The following KDM4B variants were observed in gnomAD, a reference collection of about 807,000 sequenced individuals.
KDM4B encodes lysine-specific demethylase 4B.
KDM4B carries 32 observed loss-of-function variants against 125.2 expected under a neutral mutation model. That is an observed-to-expected ratio of 0.26 (90% confidence interval 0.19 to 0.34). The LOEUF (loss-of-function observed/expected upper bound fraction) is 0.34. KDM4B is among the 10% of genes least tolerant of loss of function. The probability of loss-of-function intolerance (pLI) is 1.00; values close to 1 mark genes in which losing one functional copy is unlikely to be tolerated. For missense variants in KDM4B, 1,190 were observed against 1,577.7 expected, an observed-to-expected ratio of 0.75 and a Z score of 4.16; for synonymous variants, 721 against 677.9, an observed-to-expected ratio of 1.06 and a Z score of -0.99.
chr19:4,997,535 C>T lies in KDM4B; in HGVS notation c.-108-18722C>T, dbSNP rs1205517094. The stretch of plus-strand genomic sequence containing the variant: ...GTCTGCAGCTGCCTCCTTGGCTCCC[C>T]GGTTGTTAGCTGTGTGATCTAGGGT... On this transcript the variant is annotated intron_variant, in intron 1 of 22. Coordinates refer to ENST00000159111, the MANE Select transcript of KDM4B (RefSeq NM_015015.3). This position sits in a 1 kb window ranked among gnomAD's most constrained non-coding sequence, Gnocchi z 4.2. Among the ~76,000 whole-genome samples the T allele has an allele frequency of 3.3e-5, 5 of 152,172 alleles. No homozygotes were observed. The highest frequency in any genetic ancestry group is 1.9e-4 in the East Asian group (1 of 5,192).
At chr19:5,005,793 G>T (rs1389350717) in intron 1 of KDM4B, among the ~76,000 whole-genome samples, 1 of 152,178 alleles carries the variant, frequency 6.6e-6, no homozygotes, top group Non-Finnish European at 1.5e-5. Context: ...TTCTCCAGCG[G>T]CTGCCTCGCC....
At chr19:5,104,465 T>G (rs1011401325) in intron 9 of KDM4B, among the ~76,000 whole-genome samples, 6 of 152,092 alleles carry the variant, frequency 3.9e-5, no homozygotes, top group African/African-American at 1.4e-4. Flanking sequence ...TTGCAGAACC[T>G]AATCTAAGAT....
At chr19:4,970,279 T>C (rs2034208707) in intron 1 of KDM4B, among the ~76,000 whole-genome samples, 2 of 152,240 alleles carry the variant, frequency 1.3e-5, no homozygotes, top group South Asian at 4.1e-4. Flanking sequence ...GGGAGGATGC[T>C]TCTGTTTTAA....
intron 1 of KDM4B, among the ~76,000 whole-genome samples, chr19:4,987,224 T>A (rs1011676976): frequency 6.6e-6 from 1 of 151,978 alleles, no homozygotes; most frequent in Admixed American, 6.6e-5. Flanking sequence ...CTTGTAAGAG[T>A]TAAAGAAAGA....
At position 5,151,706 on chromosome 19, in the gene KDM4B, G is replaced by A. The variant is rs997283327; in HGVS notation, c.*195G>A. 8 of 417,862 alleles carry A rather than the reference G, an allele frequency of 1.9e-5. No individual in the cohort carries two copies. Among genetic ancestry groups the A allele is most frequent in the South Asian group, 1.2e-4 (1 of 8,318 alleles). 25.9% of individuals were successfully genotyped at this position (417,862 alleles called of 1,614,324 possible). A position where few individuals can be genotyped will look rare whatever the true frequency, so the allele number is the denominator to read the frequency against. ...CCAGACTCAGGGAGCAGGGCCAGGC[G>A]GGCTCGGGGGCCGGCCAGGGGAGCA... On this transcript the variant is annotated 3_prime_UTR_variant, in exon 23 of 23. Transcript: ENST00000159111.
In KDM4B at chr19:5,081,479, C is replaced by G. The variant is rs1006436197; in HGVS notation, c.781-888C>G. On this transcript the variant is annotated intron_variant, in intron 8 of 22. Transcript: ENST00000159111. This position sits in a 1 kb window ranked among gnomAD's most constrained non-coding sequence, Gnocchi z 4.2. ...TGGTAGGCAGCCCTGCCTTTTCTTCCAGACCTTGGGGTGGCTGTTGGGAAA... is the reference window on the plus strand; with the variant it reads ...TGGTAGGCAGCCCTGCCTTTTCTTCGAGACCTTGGGGTGGCTGTTGGGAAA... Among the ~76,000 whole-genome samples the G allele has an allele frequency of 6.6e-6, 1 of 152,162 alleles. No individual in the cohort carries two copies. The highest frequency in any genetic ancestry group is 1.5e-5 in the Non-Finnish European group (1 of 68,028).
intron 6 of KDM4B, among the ~76,000 whole-genome samples, chr19:5,054,734 G>A (rs1599515859): frequency 6.6e-6 from 1 of 152,134 alleles, no homozygotes; most frequent in East Asian, 1.9e-4. Flanking sequence ...TGTGGCGCTG[G>A]TGCCGTGCTT....
At chr19:5,127,843 G>A (rs1166770693) in intron 11 of KDM4B, among the ~76,000 whole-genome samples, 7 of 152,178 alleles carry the variant, frequency 4.6e-5, no homozygotes, top group Non-Finnish European at 7.4e-5. Context: ...GGCCTGGGGC[G>A]GTCACACCAG....
At position 5,012,452 on chromosome 19, in the gene KDM4B, C is replaced by T. The variant is rs376208383; in HGVS notation, c.-108-3805C>T. 4.5e-4 allele frequency among the ~76,000 whole-genome samples: 68 copies of T among 152,218 alleles called. No homozygotes were observed. The South Asian group carries it at 8.5e-3, about 19-fold the overall frequency. On this transcript the variant is annotated intron_variant, in intron 1 of 22. Transcript: ENST00000159111. The stretch of plus-strand genomic sequence containing the variant: ...TTTTCTGTCCCAGGGCCCCCCACAC[C>T]GGGATTCCTCGTGGCCCGTAGCCGT...
chr19:4,987,874 C>G (rs568272278), intron 1 of KDM4B, among the ~76,000 whole-genome samples: 1 of 152,176 alleles, frequency 6.6e-6, no homozygotes, highest in East Asian at 1.9e-4. Flanking sequence ...CTGGGGGTGG[C>G]TTTTGGAGGT....
chr19:5,047,179 C>T (rs2037052586), intron 5 of KDM4B: 4 of 349,084 alleles, frequency 1.1e-5, no homozygotes, highest in Non-Finnish European at 2.1e-5. Flanking sequence ...CGCCTATAGC[C>T]TATAGTCCCA....
chr19:5,132,270 C>G (rs967258176), intron 13 of KDM4B, among the ~76,000 whole-genome samples: 6 of 152,166 alleles, frequency 3.9e-5, no homozygotes, highest in African/African-American at 1.2e-4. Flanking sequence ...GGCTGGGGAG[C>G]TTGTACCTCC....
chr19:5,119,666 C>G lies in KDM4B; in HGVS notation c.1129C>G (p.Arg377Gly). 6.4e-7 allele frequency: 1 copy of G among 1,555,912 alleles called. No homozygotes were observed. ...AKLLRRSHRK[R>G]SQPKKPKPED... is the part of the protein sequence containing the mutation. ...CTCCCTCTCCAGGTCTCACCGGAAA[C>G]GGAGCCAGCCCAAGAAGCCGAAGCC... Residue 377 changes from arginine to glycine, a missense_variant, in exon 11 of 23, where the codon CGG becomes GGG. By Grantham distance (125) the Arg-to-Gly change is moderately radical. Transcript: ENST00000159111.
chr19:5,110,984 G>A (rs2039132916), intron 10 of KDM4B, among the ~76,000 whole-genome samples, 166 bp downstream of exon 10: 1 of 152,174 alleles, frequency 6.6e-6, no homozygotes, highest in Admixed American at 6.5e-5. Flanking sequence ...CTCCTGTTCT[G>A]TTTCTCCTCC....
intron 11 of KDM4B, among the ~76,000 whole-genome samples, chr19:5,126,308 C>T (rs145267281): frequency 0.015 from 2,295 of 152,144 alleles, 63 homozygotes; most frequent in African/African-American, 0.052. Context: ...CGCCCTATTG[C>T]CCAGCGCTAG....
chr19:5,059,356 G>A (rs1599527601), intron 6 of KDM4B, among the ~76,000 whole-genome samples: 3 of 152,206 alleles, frequency 2.0e-5, no homozygotes, highest in Non-Finnish European at 4.4e-5. Context: ...GGATGGGGCC[G>A]ATGACAGCGA....
intron 3 of KDM4B, among the ~76,000 whole-genome samples, chr19:5,038,387 C>T (rs1391447299): frequency 3.9e-5 from 6 of 152,218 alleles, no homozygotes; most frequent in Admixed American, 6.5e-5. Flanking sequence ...CAGGGTGAGG[C>T]GTGTACTCCG....
rs1244657467 is a variant in KDM4B at position 5,150,373 on chromosome 19, G to A, written c.3037G>A (p.Gly1013Arg). The change falls in exon 22 of 23, where the codon GGG becomes AGG. Residue 1013 changes from glycine to arginine, a missense_variant. Gly to Arg is a moderately radical substitution (Grantham distance 125, BLOSUM62 -2). Around this residue, in one of 7 missense-constraint regions of KDM4B, gnomAD observed 298 missense variants for 439.7 expected, o/e 0.68. Transcript: ENST00000159111. ...CCCCCTGCAGGTGGAGTTTGAGGAC[G>A]GGTCCCAGCTGACGGTGAAGCGTGG... ...SHIYQVEFED[G>R]SQLTVKRGDI... 1.0e-5 allele frequency: 16 copies of A among 1,551,140 alleles called. No homozygotes were observed. Among genetic ancestry groups the A allele is most frequent in the Middle Eastern group, 1.7e-4 (1 of 6,002 alleles).
chr19:4,995,805 C>T (rs1177594969), intron 1 of KDM4B, among the ~76,000 whole-genome samples: 1 of 151,974 alleles, frequency 6.6e-6, no homozygotes, highest in Non-Finnish European at 1.5e-5. Flanking sequence ...GTATGGTTGG[C>T]GTGTGAACTA....
Sources: allele counts gnomAD v4.1 joint callset (sites outside exome capture counted in the v4.1 genomes callset), GRCh38; gene constraint gnomAD v4.1.1; regional missense constraint gnomAD v4.1.1; non-coding constraint Gnocchi (gnomAD v3.1); transcripts MANE v1.5; gene names NCBI Gene and HGNC (gene_info 2026-07-23, HGNC 2026-07-21).